The following RAB3C variants were observed in gnomAD, a reference collection of about 807,000 sequenced individuals.
The protein encoded by RAB3C is ras-related protein Rab-3C.
RAB3C carries 17 observed loss-of-function variants against 26.4 expected under a neutral mutation model. The ratio of observed to expected loss-of-function variants is 0.64; its 90% CI spans 0.44 to 0.97. The LOEUF is 0.97. Among genes scored for constraint, RAB3C ranks in the 50% least tolerant of loss-of-function variants. The pLI is 0.00. For missense variants in RAB3C, 242 were observed against 281.9 expected (o/e 0.86, Z 1.01); for synonymous variants, 91 against 95.9 (o/e 0.95, Z 0.30).
chr5:58,843,502 C>T (rs1579949580), intron 4 of RAB3C, among the ~76,000 whole-genome samples: 1 of 152,208 alleles, frequency 6.6e-6, no homozygotes, highest in East Asian at 1.9e-4. Flanking sequence ...TCTTTTAAAA[C>T]ACTTAGCACT....
chr5:58,718,448 A>T (rs563801440), intron 2 of RAB3C, among the ~76,000 whole-genome samples: 3 of 152,046 alleles, frequency 2.0e-5, no homozygotes, highest in Non-Finnish European at 4.4e-5. Flanking sequence ...TAAAAAAGCT[A>T]TCTATGGCTT....
intron 1 of RAB3C, among the ~76,000 whole-genome samples, chr5:58,595,706 A>G (rs527312509): frequency 1.3e-5 from 2 of 152,280 alleles, no homozygotes; most frequent in Non-Finnish European, 2.9e-5. Flanking sequence ...TTTTGGTTCT[A>G]GTGTACCCTA....
At chr5:58,837,557 C>CTTT (rs36020735) in intron 4 of RAB3C, among the ~76,000 whole-genome samples, 1,421 of 118,796 alleles carry the variant, frequency 0.012, 35 homozygotes, top group Middle Eastern at 0.043. Context: ...TTCAGTCTCT[C>CTTT]TTTTTTTTTT....
intron 2 of RAB3C, among the ~76,000 whole-genome samples, chr5:58,627,508 A>C (rs1175223724): frequency 1.6e-4 from 11 of 67,932 alleles, no homozygotes; most frequent in South Asian, 5.1e-4. Context: ...AAAAAAAAAA[A>C]AAAAAAAAAA....
At chr5:58,779,505 C>A (rs1484271213) in intron 3 of RAB3C, among the ~76,000 whole-genome samples, 4 of 151,862 alleles carry the variant, frequency 2.6e-5, no homozygotes, top group Admixed American at 6.6e-5. Context: ...CTGTCACAGT[C>A]TTCCAAGTAG....
intron 3 of RAB3C, among the ~76,000 whole-genome samples, chr5:58,807,668 G>T (rs181344293): frequency 1.3e-5 from 2 of 151,810 alleles, no homozygotes; most frequent in Non-Finnish European, 1.5e-5. Context: ...CTACAATGGT[G>T]GGGGGGCAAA....
At chr5:58,605,761 G>A (rs562570340) in intron 1 of RAB3C, among the ~76,000 whole-genome samples, 9 of 152,148 alleles carry the variant, frequency 5.9e-5, no homozygotes, top group Non-Finnish European at 1.3e-4. Flanking sequence ...AGCCGAATGT[G>A]TTGGTGGGCA....
At chr5:58,594,491 T>C (rs995163023) in intron 1 of RAB3C, among the ~76,000 whole-genome samples, 2 of 152,200 alleles carry the variant, frequency 1.3e-5, no homozygotes, top group Admixed American at 6.5e-5. Context: ...AAAGCAGGGA[T>C]GATTATGACT....
intron 2 of RAB3C, among the ~76,000 whole-genome samples, chr5:58,656,467 T>C (rs1747774415): frequency 1.3e-5 from 2 of 152,178 alleles, no homozygotes; most frequent in Non-Finnish European, 2.9e-5. Flanking sequence ...CAAAACACCA[T>C]ATTGTATGCC....
At chr5:58,682,281 C>T (rs1162080968) in intron 2 of RAB3C, among the ~76,000 whole-genome samples, 1 of 152,086 alleles carries the variant, frequency 6.6e-6, no homozygotes. Context: ...GCAGTAAGGT[C>T]GACTCTTATT....
At chr5:58,657,673 T>C (rs1747811791) in intron 2 of RAB3C, among the ~76,000 whole-genome samples, 1 of 152,150 alleles carries the variant, frequency 6.6e-6, no homozygotes, top group African/African-American at 2.4e-5. Context: ...ATATAGGCTG[T>C]GCTGAGAAGG....
At chr5:58,604,611 C>T in intron 1 of RAB3C, among the ~76,000 whole-genome samples, 1 of 152,154 alleles carries the variant, frequency 6.6e-6, no homozygotes, top group Non-Finnish European at 1.5e-5. Context: ...ACAGGCCTCA[C>T]CCAGCTCCTG....
At chr5:58,751,096 C>T (rs1042850150) in intron 3 of RAB3C, among the ~76,000 whole-genome samples, 6 of 152,168 alleles carry the variant, frequency 3.9e-5, no homozygotes, top group African/African-American at 1.4e-4. Flanking sequence ...TCAAGTGATC[C>T]ACTCGGCTCA....
At chr5:58,795,564 G>C (rs1244668191) in intron 3 of RAB3C, among the ~76,000 whole-genome samples, 4 of 152,168 alleles carry the variant, frequency 2.6e-5, no homozygotes, top group African/African-American at 9.7e-5. Context: ...ACTGCATGTT[G>C]TACTTCATTC....
rs919050835 is a variant in RAB3C, at chr5:58,853,183, C to T, written c.*1832C>T. On this transcript the variant is annotated 3_prime_UTR_variant, in exon 5 of 5. Transcript: ENST00000282878. The stretch of plus-strand genomic sequence containing the variant: ...TATTAGTTTTTAATGGGGCAACCAA[C>T]TTCAAAATCACAGGAATTACAGTGA... 2 of 152,196 alleles carry T rather than the reference C, an allele frequency of 1.3e-5. No individual in the cohort carries two copies. Among genetic ancestry groups the T allele is most frequent in the African/African-American group, 4.8e-5 (2 of 41,456 alleles). The allele number at this position is 152,196 out of a possible 1,614,324, so 9.4% of individuals were successfully genotyped here. A position where few individuals can be genotyped will look rare whatever the true frequency, so the allele number is the denominator to read the frequency against.
chr5:58,674,775 A>T (rs574460937), intron 2 of RAB3C, among the ~76,000 whole-genome samples: 1 of 152,326 alleles, frequency 6.6e-6, no homozygotes, highest in South Asian at 2.1e-4. Flanking sequence ...GTAAAGACAC[A>T]AAGTATAAGA....
chr5:58,762,932 G>A (rs913494472), intron 3 of RAB3C, among the ~76,000 whole-genome samples: 10 of 152,070 alleles, frequency 6.6e-5, no homozygotes, highest in East Asian at 1.9e-4. Flanking sequence ...TTCTTTACTC[G>A]TGATATGAGA....
At chr5:58,718,455 GC>G (rs1749219343) in intron 2 of RAB3C, among the ~76,000 whole-genome samples, 1 of 151,986 alleles carries the variant, frequency 6.6e-6, no homozygotes, top group Non-Finnish European at 1.5e-5. Context: ...GCTATCTATG[GC>G]TTTTCCTCTC....
intron 3 of RAB3C, among the ~76,000 whole-genome samples, chr5:58,796,498 G>A (rs902136745): frequency 2.0e-5 from 3 of 152,144 alleles, no homozygotes; most frequent in Non-Finnish European, 4.4e-5. Flanking sequence ...GGTATATCAG[G>A]ATGTAACAGG....
Sources: gnomAD v4.1 joint callset for allele counts (sites outside exome capture counted in the v4.1 genomes callset) on GRCh38, gnomAD v4.1.1 for gene constraint, MANE v1.5 for transcripts, NCBI Gene and HGNC (gene_info 2026-07-23, HGNC 2026-07-21) for gene names.